Variants in BTG3 observed in about 807,000 individuals in gnomAD.
BTG3 encodes the protein BTG anti-proliferation factor 3, also known as protein BTG3.
Under a neutral mutation model 25.8 loss-of-function variants are expected in BTG3, and 4 were observed. That is an observed-to-expected ratio of 0.16 (90% CI 0.08 to 0.36). The LOEUF is 0.36. Among genes scored for constraint, BTG3 ranks in the 10% least tolerant of loss-of-function variants. The probability of loss-of-function intolerance (pLI) is 1.00; values close to 1 mark genes in which losing one functional copy is unlikely to be tolerated. For missense variants in BTG3, 201 were observed against 304.9 expected (o/e 0.66, Z 2.54); for synonymous variants, 107 against 99.9 (o/e 1.07, Z -0.42).
chr21:17,598,822 T>A lies in BTG3; in HGVS notation c.314A>T (p.Tyr105Phe). ...AATGAATGCATTGTTTTTCTCTCCA[T>A]ACCTAAGAATAAAATTAAAAACTTA... is the stretch of plus-strand genomic sequence containing the variant. ...WVDPCEVCCR[Y>F]GEKNNAFIVA... The change falls in exon 4 of 5, where the codon TAT (tyrosine) becomes TTT (phenylalanine). Residue 105 changes from tyrosine to phenylalanine, a missense_variant and splice_region_variant. By Grantham distance (22) the Tyr-to-Phe change is conservative. Transcript: ENST00000348354. 6.2e-7 allele frequency: 1 copy of A among 1,605,248 alleles called. No homozygotes were observed. The highest frequency in any genetic ancestry group is 1.1e-5 in the South Asian group (1 of 89,084).
At chr21:17,604,713 GA>G (rs1335201838) in intron 3 of BTG3, 146 bp downstream of exon 3, 6 of 1,044,944 alleles carry the variant, frequency 5.7e-6, no homozygotes, top group Non-Finnish European at 7.9e-6. Flanking sequence ...ATCACCTCCA[GA>G]AAAGTATTTC....
chr21:17,604,739 T>G, intron 3 of BTG3, 121 bp downstream of exon 3: 1 of 1,226,808 alleles, frequency 8.2e-7, no homozygotes, highest in Non-Finnish European at 1.1e-6. Context: ...AATTTACATC[T>G]GAGAGAGTTA....
chr21:17,595,095 T>G (rs967044261), intron 4 of BTG3, among the ~76,000 whole-genome samples: 1 of 152,102 alleles, frequency 6.6e-6, no homozygotes, highest in Non-Finnish European at 1.5e-5. Context: ...CCAGGTATTT[T>G]GACAAAGCTC....
chr21:17,597,648 C>T (rs145706409), intron 4 of BTG3, among the ~76,000 whole-genome samples: 2 of 148,564 alleles, frequency 1.3e-5, no homozygotes, highest in South Asian at 2.2e-4. Context: ...CATATACATA[C>T]ACATATACAT....
At chr21:17,612,297 T>C (rs2061740865) in intron 1 of BTG3, 1 of 152,086 alleles carries the variant, frequency 6.6e-6, no homozygotes, top group African/African-American at 2.4e-5. Context: ...AGGACCCGGC[T>C]TCCCGGAGGC....
chr21:17,612,389 T>C (rs1451237558), intron 1 of BTG3: 2 of 152,234 alleles, frequency 1.3e-5, no homozygotes, highest in African/African-American at 4.8e-5. Context: ...GCCGCGGGGT[T>C]GTCGCCCACC....
intron 1 of BTG3, 192 bp downstream of exon 1, chr21:17,612,507 C>G (rs7280201): frequency 1.3e-5 from 2 of 150,392 alleles, no homozygotes; most frequent in Admixed American, 1.3e-4. Context: ...GCGGGCCGCC[C>G]TCGCGGCCCG....
At chr21:17,606,494 T>C (rs1239576461) in intron 2 of BTG3, among the ~76,000 whole-genome samples, 3 of 152,146 alleles carry the variant, frequency 2.0e-5, no homozygotes, top group African/African-American at 7.2e-5. Flanking sequence ...ATAGGGTAAT[T>C]TGAAAGATCC....
chr21:17,594,123 C>T lies in BTG3; in HGVS notation c.729G>A (p.Trp243Ter). 6.2e-7 allele frequency: 1 copy of T among 1,613,082 alleles called. No individual in the cohort carries two copies. The highest frequency in any genetic ancestry group is 8.5e-7 in the Non-Finnish European group (1 of 1,179,318). ...GAGGTGCTAACATGTGAGGATTAAT[C>T]CAGTGATTCCGGTCACAATGCATTC... ...PPGMHCDRNH[W>*]INPHMLAPH is the part of the protein sequence containing the mutation. Residue 243 changes from tryptophan to a stop codon, truncating the protein, a stop_gained, in exon 5 of 5, where the codon TGG (tryptophan) becomes TGA (stop). Transcript: ENST00000348354. LOFTEE classifies it high-confidence loss of function.
At chr21:17,611,478 T>C (rs2061722793) in intron 1 of BTG3, among the ~76,000 whole-genome samples, 1 of 152,154 alleles carries the variant, frequency 6.6e-6, no homozygotes, top group South Asian at 2.1e-4. Context: ...TGGACTTTTG[T>C]TTTCCCCGTT....
intron 4 of BTG3, among the ~76,000 whole-genome samples, chr21:17,595,514 A>G (rs796101851): frequency 3.9e-5 from 6 of 152,126 alleles, no homozygotes; most frequent in East Asian, 1.9e-4. Flanking sequence ...TTAAAAATAT[A>G]TATGTATACT....
chr21:17,609,457 A>G (rs762586252), intron 1 of BTG3, among the ~76,000 whole-genome samples: 19 of 152,246 alleles, frequency 1.2e-4, no homozygotes, highest in Non-Finnish European at 2.6e-4. Flanking sequence ...ACTATAATAA[A>G]TGATACGACA....
intron 3 of BTG3, among the ~76,000 whole-genome samples, chr21:17,602,602 C>T (rs2061588287): frequency 6.6e-6 from 1 of 152,096 alleles, no homozygotes; most frequent in African/African-American, 2.4e-5. Context: ...GAACACCTGA[C>T]ACTCGCAGGT....
chr21:17,603,563 G>A (rs1386751781), intron 3 of BTG3, among the ~76,000 whole-genome samples: 1 of 152,142 alleles, frequency 6.6e-6, no homozygotes, highest in Non-Finnish European at 1.5e-5. Flanking sequence ...ACCACCTTAG[G>A]AGTACATAGT....
chr21:17,595,388 CTCTT>C (rs1168354971), intron 4 of BTG3, among the ~76,000 whole-genome samples: 2 of 151,902 alleles, frequency 1.3e-5, no homozygotes, highest in Non-Finnish European at 2.9e-5. Flanking sequence ...TGGAAAGTCC[CTCTT>C]TTTTTATCTC....
intron 3 of BTG3, among the ~76,000 whole-genome samples, 174 bp downstream of exon 3, chr21:17,604,686 C>CTT (rs2061617132): frequency 6.6e-6 from 1 of 152,210 alleles, no homozygotes; most frequent in Non-Finnish European, 1.5e-5. Flanking sequence ...AAGCAGAAAT[C>CTT]TAACTAGTCC....
chr21:17,611,637 A>T (rs927083812), intron 1 of BTG3: 1 of 152,254 alleles, frequency 6.6e-6, no homozygotes, highest in African/African-American at 2.4e-5. Context: ...GTCTTGAGTA[A>T]GTAGGCGTCC....
At chr21:17,602,229 G>C (rs1474479136) in intron 3 of BTG3, among the ~76,000 whole-genome samples, 2 of 151,466 alleles carry the variant, frequency 1.3e-5, no homozygotes, top group East Asian at 1.9e-4. Context: ...TCTCATCATA[G>C]GCAAGATTTA....
intron 3 of BTG3, among the ~76,000 whole-genome samples, chr21:17,603,679 A>T (rs1017622175): frequency 6.6e-6 from 1 of 152,232 alleles, no homozygotes; most frequent in Non-Finnish European, 1.5e-5. Context: ...GCAGAGCCAC[A>T]GGAAAATTCT....
Sources: allele counts gnomAD v4.1 joint callset (sites outside exome capture counted in the v4.1 genomes callset), GRCh38; gene constraint gnomAD v4.1.1; transcripts MANE v1.5; gene names NCBI Gene and HGNC (gene_info 2026-07-23, HGNC 2026-07-21).